PPEF1: variants seen among roughly 807,000 people sequenced by gnomAD.
PPEF1 encodes the protein protein phosphatase with EF-hand domain 1, also known as serine/threonine-protein phosphatase with EF-hands 1.
PPEF1 carries 12 observed loss-of-function variants against 53.3 expected under a neutral mutation model. That is an observed-to-expected ratio of 0.23 (90% CI 0.14 to 0.36). The LOEUF is 0.36. PPEF1 is among the 10% of genes least tolerant of loss of function. The pLI is 1.00. For synonymous variants in PPEF1, 165 were observed against 176.7 expected (o/e 0.93, Z 0.52); for missense variants, 334 against 490.4 (o/e 0.68, Z 3.01).
At chrX:18,712,055 T>C (rs60647032) in intron 1 of PPEF1, among the ~76,000 whole-genome samples, 215 of 112,261 alleles carry the variant, frequency 1.9e-3, no homozygotes, top group African/African-American at 6.3e-3. Flanking sequence ...CCAGGCCTAC[T>C]ATAGCTTTTT....
chrX:18,724,712 T>A (rs2044667554), intron 1 of PPEF1, among the ~76,000 whole-genome samples: 1 of 111,686 alleles, frequency 9.0e-6, no homozygotes, highest in Non-Finnish European at 1.9e-5. Flanking sequence ...GGACCAGAAG[T>A]AGATCTAAGC....
chrX:18,744,629 G>A (rs1459909812), intron 3 of PPEF1, among the ~76,000 whole-genome samples: 1 of 111,760 alleles, frequency 8.9e-6, no homozygotes, highest in African/African-American at 3.3e-5. Flanking sequence ...CAGCCAAAAT[G>A]TCCTATCGGA....
chrX:18,675,318 C>G (rs1229414632), upstream of PPEF1, among the ~76,000 whole-genome samples: 1 of 113,740 alleles, frequency 8.8e-6, no homozygotes, highest in Non-Finnish European at 1.9e-5. Flanking sequence ...CCTCCGCCCG[C>G]GAGGGCCCCG....
At chrX:18,722,469 T>C (rs774349490) in intron 1 of PPEF1, among the ~76,000 whole-genome samples, 31 of 112,141 alleles carry the variant, frequency 2.8e-4, no homozygotes, top group African/African-American at 9.7e-4. Context: ...AAATACCTTA[T>C]CATTCTGAAT....
intron 6 of PPEF1, among the ~76,000 whole-genome samples, chrX:18,763,103 T>C (rs753186941): frequency 8.9e-6 from 1 of 112,081 alleles, no homozygotes; most frequent in East Asian, 2.8e-4. Flanking sequence ...AAGACGTAAG[T>C]GATTAACTTC....
At chrX:18,712,275 T>C (rs111950571) in intron 1 of PPEF1, among the ~76,000 whole-genome samples, 25 of 111,806 alleles carry the variant, frequency 2.2e-4, no homozygotes, top group African/African-American at 8.1e-4. Context: ...AACAATTAAA[T>C]AATCTGATCC....
At chrX:18,778,865 C>A in intron 6 of PPEF1, 145 bp from the exon 7 acceptor site, 1 of 588,414 alleles carries the variant, frequency 1.7e-6, no homozygotes, top group Non-Finnish European at 2.6e-6. Context: ...GTAAAACTGG[C>A]TCAAGCGAGA....
intron 14 of PPEF1, 127 bp downstream of exon 14, chrX:18,824,213 G>A (rs2047119991): frequency 2.9e-6 from 2 of 689,365 alleles, no homozygotes; most frequent in Non-Finnish European, 4.0e-6. Context: ...AGGCCAAGGC[G>A]GGCAGATCCC....
At chrX:18,799,708 G>T (rs2046511756) in intron 10 of PPEF1, among the ~76,000 whole-genome samples, 2 of 111,627 alleles carry the variant, frequency 1.8e-5, no homozygotes, top group Non-Finnish European at 1.9e-5. Context: ...TATAAAAGCT[G>T]TAATTCAGTA....
At chrX:18,745,095 A>G (rs1183961417) in intron 3 of PPEF1, among the ~76,000 whole-genome samples, 2 of 96,342 alleles carry the variant, frequency 2.1e-5, no homozygotes, top group Non-Finnish European at 4.0e-5. Context: ...TGGAATATAT[A>G]TTATATATTA....
chrX:18,677,741 G>A (rs1421647400), intron 1 of PPEF1, among the ~76,000 whole-genome samples: 1 of 111,348 alleles, frequency 9.0e-6, no homozygotes, highest in Non-Finnish European at 1.9e-5. Flanking sequence ...TCTGGATCAG[G>A]ATGGGTTGGG....
chrX:18,820,990 G>A (rs765340519), intron 13 of PPEF1, among the ~76,000 whole-genome samples: 1 of 109,615 alleles, frequency 9.1e-6, no homozygotes, highest in South Asian at 4.1e-4. Flanking sequence ...TTGGGAGGCC[G>A]AGGAGGGTGG....
At chrX:18,793,838 C>G (rs762970599) in intron 10 of PPEF1, among the ~76,000 whole-genome samples, 2 of 111,066 alleles carry the variant, frequency 1.8e-5, no homozygotes, top group Non-Finnish European at 3.8e-5. Flanking sequence ...AGTGACTTGT[C>G]TGGACTAGTT....
chrX:18,750,234 C>G (rs776860942), intron 4 of PPEF1, among the ~76,000 whole-genome samples: 11 of 111,626 alleles, frequency 9.9e-5, no homozygotes, highest in Non-Finnish European at 2.1e-4. Context: ...CTTTTTCACG[C>G]ATTCACAGGA....
intron 6 of PPEF1, among the ~76,000 whole-genome samples, chrX:18,766,625 A>T (rs1319773057): frequency 8.9e-6 from 1 of 112,370 alleles, no homozygotes; most frequent in Non-Finnish European, 1.9e-5. Context: ...AAGACCCATG[A>T]ACCAGTATCA....
chrX:18,703,968 G>A (rs1408556324), upstream of PPEF1, among the ~76,000 whole-genome samples: 1 of 102,190 alleles, frequency 9.8e-6, no homozygotes, highest in African/African-American at 3.7e-5. Flanking sequence ...CTGTCACCCA[G>A]GCTGGAGTGC....
intron 13 of PPEF1, among the ~76,000 whole-genome samples, chrX:18,820,344 C>T (rs1037871885): frequency 9.1e-6 from 1 of 109,861 alleles, no homozygotes; most frequent in Non-Finnish European, 1.9e-5. Flanking sequence ...TAATACTCCT[C>T]TCTCAGGAAC....
rs1347456320 is a variant in PPEF1, at chrX:18,723,054, G to A, written c.47-7127G>A. On this transcript the variant is annotated intron_variant, in intron 1 of 15. Transcript: ENST00000470157. The stretch of plus-strand genomic sequence containing the variant: ...GGCTAGAGTGCAGTGGTGTGATCTC[G>A]GCTCACGGCAACCTCCGTCTCCCAG... Among the ~76,000 whole-genome samples the A allele has an allele frequency of 1.2e-4, 13 of 107,602 alleles. No individual in the cohort carries two copies. The Admixed American group carries it at 1.3e-3, about 11-fold the overall frequency. 93.4% of individuals were successfully genotyped at this position (107,602 alleles called of 115,157 possible).
intron 13 of PPEF1, among the ~76,000 whole-genome samples, chrX:18,822,139 C>T (rs929187911): frequency 8.9e-6 from 1 of 112,048 alleles, no homozygotes; most frequent in Non-Finnish European, 1.9e-5. Flanking sequence ...GTGAAATTTA[C>T]TAGAAGGTGG....
Sources: gnomAD v4.1 joint callset for allele counts (sites outside exome capture counted in the v4.1 genomes callset) on GRCh38, gnomAD v4.1.1 for gene constraint, MANE v1.5 for transcripts, NCBI Gene and HGNC (gene_info 2026-07-23, HGNC 2026-07-21) for gene names.